The following PDE4D variants were observed in gnomAD, a reference collection of about 807,000 sequenced individuals.
PDE4D encodes the protein 3',5'-cyclic-AMP phosphodiesterase 4D.
Under a neutral mutation model 87.4 loss-of-function variants are expected in PDE4D, and 24 were observed. The ratio of observed to expected loss-of-function variants is 0.27; its 90% CI spans 0.20 to 0.39. The LOEUF (loss-of-function observed/expected upper bound fraction) is 0.39, where lower values mean the gene tolerates loss of function less well. Among genes scored for constraint, PDE4D ranks in the 10% least tolerant of loss-of-function variants. The pLI, the probability that PDE4D is intolerant of heterozygous loss-of-function variation, is 1.00. For missense variants in PDE4D, 714 were observed against 1,041.0 expected (o/e 0.69, Z 4.32); for synonymous variants, 384 against 383.2 (o/e 1.00, Z -0.02).
At chr5:59,825,403 G>A (rs940501242) in intron 1 of PDE4D, among the ~76,000 whole-genome samples, 2 of 152,134 alleles carry the variant, frequency 1.3e-5, no homozygotes, top group South Asian at 2.1e-4. Flanking sequence ...TGTCTGCCTT[G>A]TTGGTGGTGG....
intron 5 of PDE4D, among the ~76,000 whole-genome samples, chr5:59,123,251 C>G (rs192669014): frequency 6.6e-6 from 1 of 152,288 alleles, no homozygotes; most frequent in East Asian, 1.9e-4. Flanking sequence ...GGAAGTCACA[C>G]ATAGTCTTCT....
chr5:59,669,296 A>G (rs1328811207), intron 1 of PDE4D, among the ~76,000 whole-genome samples: 2 of 152,082 alleles, frequency 1.3e-5, no homozygotes, highest in African/African-American at 4.8e-5. Flanking sequence ...TATTTTTGGT[A>G]GATACATGGT....
chr5:60,318,264 T>C (rs1312737934), intron 1 of PDE4D, among the ~76,000 whole-genome samples: 4 of 152,232 alleles, frequency 2.6e-5, no homozygotes, highest in Admixed American at 6.5e-5. Context: ...CTTTTGATCT[T>C]TGTTGGTTTA....
chr5:60,392,613 A>C (rs960938191), intron 1 of PDE4D, among the ~76,000 whole-genome samples: 1 of 152,184 alleles, frequency 6.6e-6, no homozygotes, highest in African/African-American at 2.4e-5. Context: ...AAGCTAATAC[A>C]CCAATATTTA....
chr5:59,805,661 T>C (rs757905874), intron 1 of PDE4D, among the ~76,000 whole-genome samples: 2 of 152,350 alleles, frequency 1.3e-5, no homozygotes, highest in Non-Finnish European at 1.5e-5. Context: ...AGACAGGCAA[T>C]GGCACATCAT....
At chr5:60,028,706 C>T (rs1234262588) in intron 2 of PDE4D, among the ~76,000 whole-genome samples, 3 of 152,194 alleles carry the variant, frequency 2.0e-5, no homozygotes, top group Non-Finnish European at 4.4e-5. Context: ...TAAGACCCTT[C>T]TGTGACTCAA....
chr5:60,359,048 G>A (rs536885245), intron 1 of PDE4D, among the ~76,000 whole-genome samples: 3 of 152,156 alleles, frequency 2.0e-5, no homozygotes, highest in Non-Finnish European at 2.9e-5. Flanking sequence ...GTCTTCAGGT[G>A]GCTTCCATTC....
At chr5:59,552,299 G>T (rs1235339984) in intron 1 of PDE4D, among the ~76,000 whole-genome samples, 1 of 152,040 alleles carries the variant, frequency 6.6e-6, no homozygotes, top group African/African-American at 2.4e-5. Flanking sequence ...TTTCTTATAT[G>T]TAATTTTGTA....
intron 1 of PDE4D, among the ~76,000 whole-genome samples, chr5:59,422,398 A>G (rs1794616825): frequency 6.6e-6 from 1 of 152,118 alleles, no homozygotes. Context: ...AGTCCTGACT[A>G]TTGTTTCAAA....
intron 1 of PDE4D, among the ~76,000 whole-genome samples, chr5:59,584,848 A>G (rs1272281118): frequency 6.6e-6 from 1 of 152,204 alleles, no homozygotes; most frequent in Non-Finnish European, 1.5e-5. Flanking sequence ...TCTGAAGAAA[A>G]GCCTAAGGCA....
At chr5:59,452,039 T>C (rs537665092) in intron 1 of PDE4D, among the ~76,000 whole-genome samples, 4 of 152,330 alleles carry the variant, frequency 2.6e-5, no homozygotes, top group East Asian at 1.9e-4. Flanking sequence ...TGGTAAACTT[T>C]CTTAAAACAT....
intron 1 of PDE4D, among the ~76,000 whole-genome samples, chr5:59,567,569 A>G (rs1821155004): frequency 6.6e-6 from 1 of 152,222 alleles, no homozygotes; most frequent in Non-Finnish European, 1.5e-5. Flanking sequence ...TATGTACAGA[A>G]AAACATTTGG....
intron 1 of PDE4D, among the ~76,000 whole-genome samples, chr5:59,480,184 T>C (rs927695240): frequency 2.0e-5 from 3 of 151,778 alleles, no homozygotes; most frequent in Admixed American, 6.6e-5. Flanking sequence ...ATGAATATTA[T>C]AGTACTCCAA....
chr5:59,600,057 T>C (rs1295350450), intron 1 of PDE4D, among the ~76,000 whole-genome samples: 2 of 152,188 alleles, frequency 1.3e-5, no homozygotes, highest in Admixed American at 6.5e-5. Flanking sequence ...GTTTTCCAAT[T>C]GCTGCTGATT....
chr5:59,337,715 C>T (rs867481347), intron 1 of PDE4D, among the ~76,000 whole-genome samples: 1 of 152,142 alleles, frequency 6.6e-6, no homozygotes, highest in Non-Finnish European at 1.5e-5. Context: ...AGTTTGATGC[C>T]TCTCCTGGGT....
intron 1 of PDE4D, among the ~76,000 whole-genome samples, chr5:59,846,113 CT>C (rs1296370649): frequency 6.6e-6 from 1 of 151,940 alleles, no homozygotes; most frequent in Non-Finnish European, 1.5e-5. Context: ...TGACTCCCTG[CT>C]TTTTTTAGGA....
In PDE4D at chr5:59,958,312, C is replaced by G. The variant is rs183134207; in HGVS notation, c.272+30176G>C. Among the ~76,000 whole-genome samples, 16 of 152,198 alleles carry G rather than the reference C, an allele frequency of 1.1e-4. No individual in the cohort carries two copies. In the Middle Eastern group the frequency reaches 0.014, roughly 129 times the overall value. ...TTACACTCTTGGGCAAATAATATTT[C>G]CCTTGGATGTAATAATGCCATTCTC... On this transcript the variant is annotated intron_variant, in intron 3 of 16. Transcript: ENST00000502484.
chr5:59,196,563 T>C (rs1561678879), intron 2 of PDE4D, among the ~76,000 whole-genome samples: 1 of 152,134 alleles, frequency 6.6e-6, no homozygotes, highest in Non-Finnish European at 1.5e-5. Flanking sequence ...AACTGAGAAA[T>C]ATTTACAGAT....
chr5:60,473,435 T>C (rs1351365544), intron 1 of PDE4D, among the ~76,000 whole-genome samples: 2 of 152,146 alleles, frequency 1.3e-5, no homozygotes, highest in African/African-American at 4.8e-5. Flanking sequence ...TACTTTCAAA[T>C]GGTTTAGAAA....
Sources: allele counts gnomAD v4.1 joint callset (sites outside exome capture counted in the v4.1 genomes callset), GRCh38; gene constraint gnomAD v4.1.1; transcripts MANE v1.5; gene names NCBI Gene and HGNC (gene_info 2026-07-23, HGNC 2026-07-21).